Variants in HPS1 observed in about 807,000 individuals in gnomAD.
The protein encoded by HPS1 is BLOC-3 complex member HPS1.
Under a neutral mutation model 90.6 loss-of-function variants are expected in HPS1, and 59 were observed. The observed-to-expected ratio is 0.65, with a 90% CI of 0.53 to 0.81. The LOEUF (loss-of-function observed/expected upper bound fraction) is 0.81, where lower values mean the gene tolerates loss of function less well. HPS1 is among the 30% of genes least tolerant of loss of function. The pLI, the probability that HPS1 is intolerant of heterozygous loss-of-function variation, is 0.00. For missense variants in HPS1, 849 were observed against 896.7 expected (o/e 0.95, Z 0.68); for synonymous variants, 388 against 384.4 (o/e 1.01, Z -0.11).
chr10:98,418,121 A>G, intron 19 of HPS1, 54 bp downstream of exon 19: 5 of 1,200,486 alleles, frequency 4.2e-6, no homozygotes, highest in Admixed American at 1.9e-5. Context: ...AGAGGCGAGC[A>G]CTTATCACCC....
intron 6 of HPS1, chr10:98,431,493 C>G (rs937359199): frequency 4.1e-5 from 25 of 605,532 alleles, no homozygotes; most frequent in Non-Finnish European, 7.1e-5. Flanking sequence ...GTGGATGAGG[C>G]AAGGCAATAC....
intron 18 of HPS1, among the ~76,000 whole-genome samples, chr10:98,418,628 T>G (rs2136088178): frequency 6.6e-6 from 1 of 152,248 alleles, no homozygotes; most frequent in South Asian, 2.1e-4. Flanking sequence ...CAGGGTGGGA[T>G]AAGGTGGGGA....
Position 98,425,637 on chromosome 10 carries a change from C to A in HPS1, c.1239G>T (p.Pro413=), listed in dbSNP as rs777125097. The change falls in exon 13 of 20, where the codon CCG becomes CCT. Residue 413 remains proline (P), a synonymous_variant. Coordinates refer to ENST00000361490, the MANE Select transcript of HPS1 (RefSeq NM_000195.5). Reference sequence around the variant, plus strand: ...GGGAGCGCAGGGAGGCCCCGGGCTCCGGCCCTTCCTTCAGCTTCTTCTCCA... The same window carrying A: ...GGGAGCGCAGGGAGGCCCCGGGCTCAGGCCCTTCCTTCAGCTTCTTCTCCA... ...SMLEKKLKEG[P]EPGASLRSQP... is the part of the protein sequence containing the mutation. 94 of 1,613,744 alleles carry A rather than the reference C, an allele frequency of 5.8e-5. No homozygotes were observed. The East Asian group carries it at 1.8e-3, about 31-fold the overall frequency.
chr10:98,420,489 G>A (rs1844712094), intron 17 of HPS1: 2 of 353,164 alleles, frequency 5.7e-6, no homozygotes, highest in Non-Finnish European at 1.1e-5. Flanking sequence ...TGAGGTAGGT[G>A]GATTGCTTGA....
At chr10:98,434,227 G>A in intron 5 of HPS1, 136 bp from the exon 6 acceptor site, 1 of 878,730 alleles carries the variant, frequency 1.1e-6, no homozygotes. Flanking sequence ...GCTGGGAAAG[G>A]GGGCCAGGTT....
chr10:98,439,308 C>T (rs1937985665), intron 3 of HPS1, among the ~76,000 whole-genome samples: 1 of 152,158 alleles, frequency 6.6e-6, no homozygotes, highest in Non-Finnish European at 1.5e-5. Flanking sequence ...TTGCACCATG[C>T]ACCTGGAAAA....
chr10:98,414,893 G>A (rs1478043587), downstream of HPS1: 1 of 1,438,864 alleles, frequency 6.9e-7, no homozygotes, highest in Non-Finnish European at 9.3e-7. Context: ...TTCTGGCTGG[G>A]TTATGCCAGA....
chr10:98,444,937 A>C (rs1181232425), intron 2 of HPS1, among the ~76,000 whole-genome samples: 1 of 152,044 alleles, frequency 6.6e-6, no homozygotes. Context: ...TGGGCTATGG[A>C]ATGGAGGCTG....
At chr10:98,437,890 A>C (rs1937648514) in intron 3 of HPS1, among the ~76,000 whole-genome samples, 2 of 152,170 alleles carry the variant, frequency 1.3e-5, no homozygotes, top group Non-Finnish European at 2.9e-5. Flanking sequence ...CCTGGTGGAG[A>C]TAACTGAATC....
At chr10:98,436,678 T>A (rs1847378456) in intron 3 of HPS1, among the ~76,000 whole-genome samples, 1 of 152,160 alleles carries the variant, frequency 6.6e-6, no homozygotes, top group Admixed American at 6.5e-5. Context: ...AGTGGAACAG[T>A]TACAACTCAA....
intron 17 of HPS1, 99 bp from the exon 18 acceptor site, chr10:98,420,257 G>T: frequency 2.4e-6 from 2 of 850,996 alleles, no homozygotes; most frequent in Non-Finnish European, 4.1e-6. Flanking sequence ...GAGAAGCTCC[G>T]TGAGTGCCAG....
At position 98,435,848 on chromosome 10, in the gene HPS1, C is replaced by T; in HGVS notation, c.118-76G>A. ...AACTAAGGAAGGGACAAGATCAGGCCTTGATATCAAGGGTTCCATAGTGTT... is the reference window on the plus strand; with the variant it reads ...AACTAAGGAAGGGACAAGATCAGGCTTTGATATCAAGGGTTCCATAGTGTT... On this transcript the variant is annotated intron_variant, in intron 3 of 19. Transcript: ENST00000361490. This position sits in a 1 kb window ranked among gnomAD's most constrained non-coding sequence, Gnocchi z 4.3. 1 of 1,590,654 alleles carries T rather than the reference C, an allele frequency of 6.3e-7. No individual in the cohort carries two copies. The highest frequency in any genetic ancestry group is 8.6e-7 in the Non-Finnish European group (1 of 1,160,408).
rs749623120 is a variant in HPS1, at chr10:98,423,686, G to T, written c.1533-18C>A. The T allele has an allele frequency of 6.2e-7, 1 of 1,614,074 alleles. No homozygotes were observed. The highest frequency in any genetic ancestry group is 1.1e-5 in the South Asian group (1 of 91,090). ...GCTTCTCCCTGCCGAGGGAAGCTCGGGCTGCGTGAAGGAAGTACGGGCCCC... is the reference window on the plus strand; with the variant it reads ...GCTTCTCCCTGCCGAGGGAAGCTCGTGCTGCGTGAAGGAAGTACGGGCCCC... On this transcript the variant is annotated intron_variant, in intron 15 of 19. Transcript: ENST00000361490.
At chr10:98,441,402 A>T (rs1445366656) in intron 3 of HPS1, among the ~76,000 whole-genome samples, 2 of 152,236 alleles carry the variant, frequency 1.3e-5, no homozygotes, top group Non-Finnish European at 2.9e-5. Flanking sequence ...CAGACCTGAT[A>T]TAAAACCTAA....
intron 10 of HPS1, 92 bp from the exon 11 acceptor site, chr10:98,427,356 C>T: frequency 1.8e-6 from 2 of 1,096,548 alleles, no homozygotes; most frequent in African/African-American, 1.6e-5. Context: ...AGGTGCCCCC[C>T]ACAACCTCAG....
At chr10:98,432,175 A>G (rs1388379943) in intron 6 of HPS1, among the ~76,000 whole-genome samples, 2 of 152,250 alleles carry the variant, frequency 1.3e-5, no homozygotes, top group East Asian at 3.8e-4. Context: ...GATAGATCAC[A>G]CAGGGCCTGG....
chr10:98,442,705 G>C, intron 3 of HPS1: 1 of 254,028 alleles, frequency 3.9e-6, no homozygotes, highest in Non-Finnish European at 7.8e-6. Context: ...ACAGGGTTTC[G>C]CCATGCTGCC....
rs1012719150 is a variant in HPS1 at position 98,417,957 on chromosome 10, G to T, written c.1940+218C>A. 1.1e-4 allele frequency among the ~76,000 whole-genome samples: 16 copies of T among 152,172 alleles called. No individual in the cohort carries two copies. The highest frequency in any genetic ancestry group is 5.9e-5 in the Non-Finnish European group (4 of 68,016). ...GCCGGGCACAGACGTTCCCCGTGCT[G>T]CCAAGACCATGCCAGCAGGAAGGTG... On this transcript the variant is annotated intron_variant, in intron 19 of 19. Transcript: ENST00000361490. The surrounding 1 kb of genome is among the most constrained non-coding windows in gnomAD (Gnocchi z 4.2).
chr10:98,443,280 C>A lies in HPS1; in HGVS notation c.1-40G>T, dbSNP rs770757375. 3.4e-6 allele frequency: 5 copies of A among 1,456,404 alleles called. No homozygotes were observed. The South Asian group carries it at 5.7e-5, about 17-fold the overall frequency. The allele number at this position is 1,456,404 out of a possible 1,614,324, so 90.2% of individuals were successfully genotyped here. The stretch of plus-strand genomic sequence containing the variant: ...CAAGGTCAAGGTCAGCCTCCAGCCC[C>A]AACATCTATGAGCTCAGTCTGAGTA... On this transcript the variant is annotated intron_variant, in intron 2 of 19. Coordinates refer to ENST00000361490, the MANE Select transcript of HPS1 (RefSeq NM_000195.5).
Sources: allele counts gnomAD v4.1 joint callset (sites outside exome capture counted in the v4.1 genomes callset), GRCh38; gene constraint gnomAD v4.1.1; non-coding constraint Gnocchi (gnomAD v3.1); transcripts MANE v1.5; gene names NCBI Gene and HGNC (gene_info 2026-07-23, HGNC 2026-07-21).